ASPRV1: variants seen among roughly 807,000 people sequenced by gnomAD.
ASPRV1 encodes the protein aspartic peptidase retroviral like 1.
ASPRV1 carries 7 observed loss-of-function variants against 11.0 expected under a neutral mutation model. The ratio of observed to expected loss-of-function variants is 0.64; its 90% CI spans 0.36 to 1.20. The LOEUF is 1.20. Ranked by LOEUF, ASPRV1 falls within the 50% of genes most tolerant of loss-of-function variation. The pLI is 0.02. For synonymous variants in ASPRV1, 136 were observed against 138.4 expected, an observed-to-expected ratio of 0.98 and a Z score of 0.12; for missense variants, 299 against 320.0, an observed-to-expected ratio of 0.93 and a Z score of 0.50.
the ASPRV1 span, among the ~76,000 whole-genome samples, chr2:69,954,168 G>A: frequency 3.3e-5 from 5 of 152,220 alleles, no homozygotes; most frequent in Admixed American, 6.5e-5. Flanking sequence ...TCCATTGTCT[G>A]AGAATGAAGG....
chr2:69,976,883 C>T, the ASPRV1 span, among the ~76,000 whole-genome samples: 33,042 of 151,966 alleles, frequency 0.22, 6,429 homozygotes, highest in African/African-American at 0.5. Context: ...ACTCATACAC[C>T]GAGGAGACAC....
the ASPRV1 span, among the ~76,000 whole-genome samples, chr2:69,981,954 C>T: frequency 6.6e-6 from 1 of 152,176 alleles, no homozygotes; most frequent in African/African-American, 2.4e-5. Flanking sequence ...TGGCCATCTG[C>T]ATGATGGAAG....
chr2:69,959,700 TCTCGCTCCTGGA>T (rs1678020319), downstream of ASPRV1, among the ~76,000 whole-genome samples: 1 of 152,104 alleles, frequency 6.6e-6, no homozygotes, highest in Non-Finnish European at 1.5e-5. Flanking sequence ...GCCTCCAAGT[TCTCGCTCCTGGA>T]CAGCTGTAAG....
chr2:69,978,597 C>T, the ASPRV1 span, among the ~76,000 whole-genome samples: 1 of 152,224 alleles, frequency 6.6e-6, no homozygotes, highest in Non-Finnish European at 1.5e-5. Context: ...AAAGCCCTCA[C>T]AGATTACACC....
the ASPRV1 span, chr2:69,935,238 A>G: frequency 1.4e-6 from 1 of 715,042 alleles, no homozygotes; most frequent in Non-Finnish European, 2.5e-6. Flanking sequence ...CATTGGTAGC[A>G]TTTGCCATCG....
At chr2:70,045,108 G>C in the ASPRV1 span, among the ~76,000 whole-genome samples, 1 of 152,016 alleles carries the variant, frequency 6.6e-6, no homozygotes, top group African/African-American at 2.4e-5. Flanking sequence ...GGCTAAACAC[G>C]TCCCAACAAG....
chr2:70,011,659 A>C, the ASPRV1 span: 3 of 152,324 alleles, frequency 2.0e-5, no homozygotes, highest in African/African-American at 7.2e-5. Context: ...ACTTGCCTGT[A>C]AAGCATATAG....
At chr2:70,060,292 G>C in the ASPRV1 span, among the ~76,000 whole-genome samples, 3 of 128,540 alleles carry the variant, frequency 2.3e-5, no homozygotes, top group Admixed American at 2.9e-4. Context: ...AGTAAGCCGA[G>C]ATCACACCAC....
the ASPRV1 span, among the ~76,000 whole-genome samples, chr2:70,064,432 A>G: frequency 2.0e-5 from 3 of 152,174 alleles, no homozygotes; most frequent in African/African-American, 7.2e-5. Flanking sequence ...ATTACAATAC[A>G]TATGATAATT....
At chr2:69,976,889 G>GAC in the ASPRV1 span, among the ~76,000 whole-genome samples, 2 of 152,082 alleles carry the variant, frequency 1.3e-5, no homozygotes, top group East Asian at 3.9e-4. Flanking sequence ...ACACCGAGGA[G>GAC]ACACAAACTG....
the ASPRV1 span, among the ~76,000 whole-genome samples, chr2:70,076,610 A>AT: frequency 1.2e-3 from 187 of 152,354 alleles, no homozygotes; most frequent in Non-Finnish European, 2.1e-3. Flanking sequence ...AGTCAAAAAC[A>AT]TATTTGATAC....
At chr2:69,964,732 A>G (rs1030066385), upstream of ASPRV1, 3 of 154,862 alleles carry the variant, frequency 1.9e-5, no homozygotes, top group African/African-American at 7.2e-5. Flanking sequence ...GCAAAGCAGG[A>G]CAATAAACAG....
At chr2:70,054,244 A>G in the ASPRV1 span, 1 of 152,274 alleles carries the variant, frequency 6.6e-6, no homozygotes, top group African/African-American at 2.4e-5. Context: ...GTAAGCCGGT[A>G]TCGTGCCACT....
At chr2:70,023,755 A>T in the ASPRV1 span, among the ~76,000 whole-genome samples, 1 of 151,522 alleles carries the variant, frequency 6.6e-6, no homozygotes, top group African/African-American at 2.4e-5. Context: ...TTTCTTTTTT[A>T]AAAGTCCTTT....
chr2:69,991,200 C>T, the ASPRV1 span, among the ~76,000 whole-genome samples: 1 of 152,198 alleles, frequency 6.6e-6, no homozygotes, highest in Non-Finnish European at 1.5e-5. Flanking sequence ...CTGCACCCCA[C>T]ACACGGGCAG....
At chr2:69,935,259 G>T in the ASPRV1 span, 5 of 872,538 alleles carry the variant, frequency 5.7e-6, no homozygotes, top group Non-Finnish European at 5.7e-6. Flanking sequence ...CAAGGCCTGG[G>T]CAACTTCACA....
chr2:70,067,311 G>A, the ASPRV1 span, among the ~76,000 whole-genome samples: 1 of 152,200 alleles, frequency 6.6e-6, no homozygotes, highest in African/African-American at 2.4e-5. Context: ...ATTGGGCACT[G>A]GAGAAGGAGC....
At chr2:69,985,389 C>T in the ASPRV1 span, among the ~76,000 whole-genome samples, 2 of 152,346 alleles carry the variant, frequency 1.3e-5, no homozygotes, top group South Asian at 2.1e-4. Flanking sequence ...TTCTTCCCAT[C>T]TCACTAAATC....
At chr2:70,056,559 C>G in the ASPRV1 span, 3 of 127,714 alleles carry the variant, frequency 2.3e-5, no homozygotes, top group Non-Finnish European at 3.1e-5. Flanking sequence ...GAGCCGAGAT[C>G]GCGCCACTTC....
Sources: allele counts gnomAD v4.1 joint callset (sites outside exome capture counted in the v4.1 genomes callset), GRCh38; gene constraint gnomAD v4.1.1; transcripts MANE v1.5; gene names NCBI Gene and HGNC (gene_info 2026-07-23, HGNC 2026-07-21).